Variants in RFX4 observed in about 807,000 individuals in gnomAD.
The protein encoded by RFX4 is regulatory factor X4, also known as transcription factor RFX4.
In RFX4, 10 loss-of-function variants were observed where a neutral mutation model predicts 95.0. That is an observed-to-expected ratio of 0.11 (90% confidence interval 0.06 to 0.18). The LOEUF is 0.18. Among genes scored for constraint, RFX4 ranks in the 10% least tolerant of loss-of-function variants. The probability of loss-of-function intolerance (pLI) is 1.00; values close to 1 mark genes in which losing one functional copy is unlikely to be tolerated. For missense variants in RFX4, 640 were observed against 922.0 expected, an observed-to-expected ratio of 0.69 and a Z score of 3.96; for synonymous variants, 321 against 340.7, an observed-to-expected ratio of 0.94 and a Z score of 0.64.
chr12:106,640,636 A>G (rs2040602849), intron 3 of RFX4, among the ~76,000 whole-genome samples: 1 of 152,056 alleles, frequency 6.6e-6, no homozygotes, highest in Non-Finnish European at 1.5e-5. Context: ...ATTCTACTTT[A>G]TGTATCAGAT....
At chr12:106,641,925 G>A (rs1233698302) in intron 3 of RFX4, among the ~76,000 whole-genome samples, 1 of 148,656 alleles carries the variant, frequency 6.7e-6, no homozygotes, top group African/African-American at 2.6e-5. Context: ...GGGAAAAAGG[G>A]GAAATATCTA....
intron 13 of RFX4, among the ~76,000 whole-genome samples, chr12:106,726,812 T>C (rs1312426366): frequency 1.3e-5 from 2 of 152,128 alleles, no homozygotes; most frequent in Admixed American, 6.6e-5. Flanking sequence ...CACTCTGTTA[T>C]CTAGGTTGGA....
chr12:106,657,939 C>G (rs369931147), intron 4 of RFX4, among the ~76,000 whole-genome samples: 1 of 152,126 alleles, frequency 6.6e-6, no homozygotes, highest in Non-Finnish European at 1.5e-5. Context: ...TACTGCTACT[C>G]TATGCTTGTC....
intron 7 of RFX4, among the ~76,000 whole-genome samples, chr12:106,689,839 C>T (rs1469304784): frequency 6.6e-6 from 1 of 152,130 alleles, no homozygotes; most frequent in Non-Finnish European, 1.5e-5. Flanking sequence ...TCCATCAAAT[C>T]CCATTAGTAG....
intron 3 of RFX4, among the ~76,000 whole-genome samples, chr12:106,653,987 T>G (rs1010192584): frequency 6.6e-6 from 1 of 152,126 alleles, no homozygotes; most frequent in African/African-American, 2.4e-5. Flanking sequence ...ATCTGGGAAT[T>G]TGGGCTGAAA....
chr12:106,665,145 G>C (rs2041150901), intron 4 of RFX4, among the ~76,000 whole-genome samples: 1 of 151,564 alleles, frequency 6.6e-6, no homozygotes, highest in Admixed American at 6.6e-5. Context: ...TATTAGTTTT[G>C]GCCTTATATA....
chr12:106,698,333 G>A (rs2041920977), intron 8 of RFX4, among the ~76,000 whole-genome samples: 2 of 151,828 alleles, frequency 1.3e-5, no homozygotes, highest in Non-Finnish European at 2.9e-5. Flanking sequence ...GTGCAGTGGT[G>A]CAATCATTGA....
chr12:106,642,775 G>A (rs79976734), intron 3 of RFX4, among the ~76,000 whole-genome samples: 2,558 of 152,286 alleles, frequency 0.017, 79 homozygotes, highest in African/African-American at 0.059. Context: ...ACATTTCAGT[G>A]GATACATGTA....
chr12:106,698,698 CT>C lies in RFX4; in HGVS notation c.833+2263del, dbSNP rs572359395. 4.2e-3 allele frequency among the ~76,000 whole-genome samples: 614 copies of C among 145,162 alleles called. 1 individual carries two copies. The highest frequency in any genetic ancestry group is 0.013 in the African/African-American group (520 of 39,828). On this transcript the variant is annotated intron_variant, in intron 8 of 17. Coordinates refer to ENST00000392842, the MANE Select transcript of RFX4 (RefSeq NM_213594.3). ...TGCATTGAAAAGTGTTCCCTCTCTT[CT>C]TTTTTTTTTTAATTCATAATATTTT...
At chr12:106,698,889 T>C (rs2041935254) in intron 8 of RFX4, among the ~76,000 whole-genome samples, 2 of 152,082 alleles carry the variant, frequency 1.3e-5, no homozygotes, top group South Asian at 4.1e-4. Context: ...GTTTCTTGCT[T>C]TCTGTTTTCA....
intron 10 of RFX4, among the ~76,000 whole-genome samples, chr12:106,712,071 A>T (rs1386158737): frequency 6.6e-6 from 1 of 152,260 alleles, no homozygotes; most frequent in East Asian, 1.9e-4. Context: ...TTGCACTTTA[A>T]TGAAGGGACT....
chr12:106,599,184 GTT>G (rs113106700), intron 1 of RFX4, among the ~76,000 whole-genome samples: 97 of 137,716 alleles, frequency 7.0e-4, no homozygotes, highest in African/African-American at 2.2e-3. Context: ...CCTCCTCGTT[GTT>G]TTTTTTTTTT....
chr12:106,740,021 C>T (rs1486361209), intron 15 of RFX4, among the ~76,000 whole-genome samples: 3 of 152,158 alleles, frequency 2.0e-5, no homozygotes, highest in Non-Finnish European at 4.4e-5. Context: ...GTTCTAAAAC[C>T]TCGTTTATGA....
At chr12:106,670,718 A>G (rs2041264673) in intron 4 of RFX4, among the ~76,000 whole-genome samples, 1 of 152,196 alleles carries the variant, frequency 6.6e-6, no homozygotes, top group Non-Finnish European at 1.5e-5. Flanking sequence ...GAGTTACATC[A>G]GTATAGTAAA....
intron 3 of RFX4, among the ~76,000 whole-genome samples, chr12:106,648,486 G>T (rs1318065263): frequency 6.6e-6 from 1 of 151,560 alleles, no homozygotes; most frequent in Non-Finnish European, 1.5e-5. Context: ...TGCTTAGCAA[G>T]GGTTTTTTTT....
At chr12:106,615,499 A>C (rs1201208275) in intron 2 of RFX4, among the ~76,000 whole-genome samples, 2 of 152,096 alleles carry the variant, frequency 1.3e-5, no homozygotes, top group African/African-American at 4.8e-5. Context: ...ATTAGTTGTC[A>C]TTTTTTCACA....
chr12:106,682,403 C>T, intron 5 of RFX4: 1 of 323,084 alleles, frequency 3.1e-6, no homozygotes, highest in Non-Finnish European at 5.8e-6. Flanking sequence ...GCTGAGCAAA[C>T]TCTGCTCTGA....
intron 13 of RFX4, among the ~76,000 whole-genome samples, 200 bp from the exon 14 acceptor site, chr12:106,731,929 AC>A (rs1336912707): frequency 6.6e-6 from 1 of 152,232 alleles, no homozygotes. Flanking sequence ...AATGACACTT[AC>A]CTTATGCCAA....
chr12:106,619,222 A>AT (rs1290611323), intron 2 of RFX4, among the ~76,000 whole-genome samples: 2 of 152,046 alleles, frequency 1.3e-5, no homozygotes, highest in Admixed American at 6.6e-5. Context: ...ATCTGGAATC[A>AT]TTTTTTCTTT....
Sources: gnomAD v4.1 joint callset for allele counts (sites outside exome capture counted in the v4.1 genomes callset) on GRCh38, gnomAD v4.1.1 for gene constraint, MANE v1.5 for transcripts, NCBI Gene and HGNC (gene_info 2026-07-23, HGNC 2026-07-21) for gene names.